LMTK2: variants seen among roughly 807,000 people sequenced by gnomAD.
LMTK2 encodes serine/threonine-protein kinase LMTK2.
In LMTK2, 37 loss-of-function variants were observed where a neutral mutation model predicts 127.5. The observed-to-expected ratio is 0.29, with a 90% CI of 0.22 to 0.38. The LOEUF (loss-of-function observed/expected upper bound fraction) is 0.38, where lower values mean the gene tolerates loss of function less well. LMTK2 is among the 10% of genes least tolerant of loss of function. LMTK2 has a pLI of 1.00. For missense variants in LMTK2, 1,694 were observed against 1,920.3 expected (o/e 0.88, Z 2.20); for synonymous variants, 819 against 810.1 (o/e 1.01, Z -0.19).
chr7:98,204,271 G>A lies in LMTK2; in HGVS notation c.4483+85G>A, dbSNP rs534705410. ...TGGGAGATGGTGGTTTTGCAGGCCT[G>A]ATAATCTCATGTCTTCTTCACATTT... is the stretch of plus-strand genomic sequence containing the variant. On this transcript the variant is annotated intron_variant, in intron 13 of 13. Coordinates refer to ENST00000297293, the MANE Select transcript of LMTK2 (RefSeq NM_014916.4). 4.3e-4 allele frequency: 655 copies of A among 1,517,366 alleles called. 9 individuals are homozygous for A. The South Asian group carries it at 7.2e-3, about 17-fold the overall frequency. 94.0% of individuals were successfully genotyped at this position (1,517,366 alleles called of 1,614,324 possible).
At chr7:98,201,092 T>G (rs1057026267) in intron 11 of LMTK2, among the ~76,000 whole-genome samples, 3 of 151,650 alleles carry the variant, frequency 2.0e-5, no homozygotes, top group Non-Finnish European at 2.9e-5. Context: ...ATTCTCTTAG[T>G]TTTTTTTTCC....
intron 1 of LMTK2, among the ~76,000 whole-genome samples, chr7:98,121,548 G>A (rs1215989906): frequency 6.6e-6 from 1 of 151,484 alleles, no homozygotes; most frequent in Non-Finnish European, 1.5e-5. Context: ...CAGAGGAATC[G>A]CTTGAACCCA....
intron 7 of LMTK2, among the ~76,000 whole-genome samples, chr7:98,177,256 C>T (rs189014839): frequency 6.6e-6 from 1 of 152,232 alleles, no homozygotes; most frequent in Admixed American, 6.5e-5. Context: ...ATTATGTACC[C>T]AGTAGTGAAG....
At chr7:98,111,270 G>GT (rs1796197924) in intron 1 of LMTK2, among the ~76,000 whole-genome samples, 1 of 152,184 alleles carries the variant, frequency 6.6e-6, no homozygotes, top group Admixed American at 6.5e-5. Context: ...TCTGGCCCCT[G>GT]TGTATTGTGT....
At chr7:98,163,275 A>C (rs890770118) in intron 6 of LMTK2, among the ~76,000 whole-genome samples, 9 of 151,542 alleles carry the variant, frequency 5.9e-5, no homozygotes, top group Admixed American at 5.9e-4. Context: ...TTACAATGCC[A>C]AATGGTATTT....
intron 1 of LMTK2, among the ~76,000 whole-genome samples, chr7:98,135,574 G>A (rs1242323787): frequency 6.6e-6 from 1 of 151,958 alleles, no homozygotes; most frequent in South Asian, 2.1e-4. Flanking sequence ...CTCCCACCTT[G>A]GCCTCCCAAA....
chr7:98,203,380 G>A (rs1256730384), intron 11 of LMTK2, among the ~76,000 whole-genome samples, 194 bp from the exon 12 acceptor site: 1 of 152,230 alleles, frequency 6.6e-6, no homozygotes, highest in East Asian at 1.9e-4. Flanking sequence ...TGCCTCTGCC[G>A]AGGTCAGAGC....
chr7:98,139,970 G>A (rs762829509), intron 2 of LMTK2, among the ~76,000 whole-genome samples: 8 of 151,992 alleles, frequency 5.3e-5, no homozygotes, highest in Non-Finnish European at 8.8e-5. Flanking sequence ...ATAATTGGCC[G>A]TGTCTATGGT....
At chr7:98,107,675 A>G (rs1468534601) in intron 1 of LMTK2, among the ~76,000 whole-genome samples, 2 of 152,168 alleles carry the variant, frequency 1.3e-5, no homozygotes, top group Middle Eastern at 3.4e-3. Context: ...CCCTAATCAT[A>G]CTTAAATGCA....
chr7:98,202,936 G>A (rs917424845), intron 11 of LMTK2, among the ~76,000 whole-genome samples: 22 of 152,130 alleles, frequency 1.4e-4, no homozygotes, highest in Non-Finnish European at 3.2e-4. Flanking sequence ...GCAATCGCAC[G>A]CGCATCTGGA....
At chr7:98,140,112 T>C (rs1411327178) in intron 2 of LMTK2, among the ~76,000 whole-genome samples, 1 of 4,206 alleles carries the variant, frequency 2.4e-4, no homozygotes, top group African/African-American at 9.7e-4. Flanking sequence ...CTTTCTTTCT[T>C]TCTTTCTTTC....
chr7:98,107,115 G>GGGAACGGA lies in LMTK2; in HGVS notation c.-63_-62insGGAACGGA. 1 of 1,277,292 alleles carries GGGAACGGA rather than the reference G, an allele frequency of 7.8e-7. No individual in the cohort carries two copies. Among genetic ancestry groups the GGGAACGGA allele is most frequent in the Admixed American group, 3.7e-5 (1 of 27,200 alleles). The allele number at this position is 1,277,292 out of a possible 1,614,324, so 79.1% of individuals were successfully genotyped here. A position where few individuals can be genotyped will look rare whatever the true frequency, so the allele number is the denominator to read the frequency against. On this transcript the variant is annotated 5_prime_UTR_variant, in exon 1 of 14. Coordinates refer to ENST00000297293, the MANE Select transcript of LMTK2 (RefSeq NM_014916.4). ...GGAGGGAGGCAGGATCGACTGACGG[G>GGGAACGGA]CGAACGGACGGACGGACGGAAGGCG...
In LMTK2 at chr7:98,107,124, C is replaced by T; in HGVS notation, c.-54C>T. 7.6e-7 allele frequency: 1 copy of T among 1,316,376 alleles called. No homozygotes were observed. Among genetic ancestry groups the T allele is most frequent in the South Asian group, 1.6e-5 (1 of 61,530 alleles). 81.5% of individuals were successfully genotyped at this position (1,316,376 alleles called of 1,614,324 possible). ...CAGGATCGACTGACGGGCGAACGGA[C>T]GGACGGACGGAAGGCGACTCGAGGG... On this transcript the variant is annotated 5_prime_UTR_variant, in exon 1 of 14. It adds an upstream start codon to the 5' untranslated region. Transcript: ENST00000297293.
At position 98,193,397 on chromosome 7, in the gene LMTK2, C is replaced by T; in HGVS notation, c.2932C>T (p.Leu978Phe). 7 of 1,614,204 alleles carry T rather than the reference C, an allele frequency of 4.3e-6. No homozygotes were observed. The highest frequency in any genetic ancestry group is 5.1e-6 in the Non-Finnish European group (6 of 1,180,032). The stretch of plus-strand genomic sequence containing the variant: ...CTCGGACTCAACCAGTCAGGACAGC[C>T]TCCTGGAGGACAGCTTGTCAGCACC... ...LSSDSTSQDS[L>F]LEDSLSAPFP... The change falls in exon 11 of 14, where the codon CTC becomes TTC. Residue 978 changes from leucine (L) to phenylalanine (F), a missense_variant. Leu to Phe is a conservative substitution (Grantham distance 22, BLOSUM62 0). Transcript: ENST00000297293. This position sits in a 1 kb window ranked among gnomAD's most constrained non-coding sequence, Gnocchi z 4.1.
At chr7:98,190,963 T>C (rs1330407433) in intron 10 of LMTK2, 86 bp downstream of exon 10, 3 of 1,279,892 alleles carry the variant, frequency 2.3e-6, no homozygotes, top group Non-Finnish European at 3.3e-6. Flanking sequence ...GGCCAAATAT[T>C]ATGTTTCTTC....
chr7:98,192,325 G>A lies in LMTK2; in HGVS notation c.1860G>A (p.Gly620=). The change falls in exon 11 of 14, where the codon GGG becomes GGA. Residue 620 remains glycine (G), a synonymous_variant. Coordinates refer to ENST00000297293, the MANE Select transcript of LMTK2 (RefSeq NM_014916.4). ...STDPKDSSLP[G]DLHVTSGPES... ...ACCCCAAAGACTCTAGCTTACCAGG[G>A]GACTTACACGTGACCAGTGGCCCCG... 3 of 1,560,060 alleles carry A rather than the reference G, an allele frequency of 1.9e-6. No homozygotes were observed. The highest frequency in any genetic ancestry group is 1.7e-6 in the Non-Finnish European group (2 of 1,159,000).
intron 4 of LMTK2, 92 bp from the exon 5 acceptor site, chr7:98,154,666 C>T: frequency 1.3e-6 from 1 of 788,270 alleles, no homozygotes; most frequent in Non-Finnish European, 2.2e-6. Context: ...TATTGCTTAA[C>T]TTGTTCACCT....
intron 1 of LMTK2, among the ~76,000 whole-genome samples, chr7:98,116,764 T>A (rs1339876070): frequency 6.6e-6 from 1 of 152,218 alleles, no homozygotes; most frequent in Non-Finnish European, 1.5e-5. Flanking sequence ...TCTTTAATAT[T>A]TCTCTAGTGT....
At chr7:98,154,974 T>C (rs531356231) in intron 5 of LMTK2, 98 bp downstream of exon 5, 6 of 712,382 alleles carry the variant, frequency 8.4e-6, no homozygotes, top group East Asian at 2.6e-5. Flanking sequence ...GTAACATACA[T>C]GATTAAGTAA....
Sources: gnomAD v4.1 joint callset for allele counts (sites outside exome capture counted in the v4.1 genomes callset) on GRCh38, gnomAD v4.1.1 for gene constraint, Gnocchi (gnomAD v3.1) non-coding constraint, MANE v1.5 for transcripts, NCBI Gene and HGNC (gene_info 2026-07-23, HGNC 2026-07-21) for gene names.